SCFD2: variants seen among roughly 807,000 people sequenced by gnomAD.
SCFD2 encodes sec1 family domain containing 2.
Under a neutral mutation model 58.9 loss-of-function variants are expected in SCFD2, and 54 were observed. The ratio of observed to expected loss-of-function variants is 0.92; its 90% CI spans 0.74 to 1.15. The LOEUF (loss-of-function observed/expected upper bound fraction) is 1.15, where lower values mean the gene tolerates loss of function less well. SCFD2 is among the 50% of genes most tolerant of loss of function. The pLI, the probability that SCFD2 is intolerant of heterozygous loss-of-function variation, is 0.00. For synonymous variants in SCFD2, 321 were observed against 335.9 expected (o/e 0.96, Z 0.49); for missense variants, 805 against 836.6 (o/e 0.96, Z 0.47).
intron 4 of SCFD2, among the ~76,000 whole-genome samples, chr4:53,188,250 T>C (rs1325428445): frequency 6.6e-6 from 1 of 152,174 alleles, no homozygotes; most frequent in East Asian, 1.9e-4. Flanking sequence ...TGGTTATAGT[T>C]GTAGAAACAC....
Position 52,914,685 on chromosome 4 carries a change from A to AT in SCFD2, c.1707+6039dup, listed in dbSNP as rs1458773455. ...TCCTTTTGAGGGCCCATGAAAATAC[A>AT]TTTTTTTAAATCAGAAGAAAAAATA... On this transcript the variant is annotated intron_variant, in intron 6 of 8. Coordinates refer to ENST00000401642, the MANE Select transcript of SCFD2 (RefSeq NM_152540.4). 3.3e-5 allele frequency among the ~76,000 whole-genome samples: 5 copies of AT among 152,250 alleles called. No homozygotes were observed. In the East Asian group the frequency reaches 5.8e-4, roughly 18 times the overall value.
In SCFD2 at chr4:53,330,620, A is replaced by G. The variant is rs1335909226; in HGVS notation, c.1008-16857T>C. ...GCGCTAAACATGGAAAGGAACAACCAGTACCAGCCGCTGCAAAATCATGCC... is the reference window on the plus strand; with the variant it reads ...GCGCTAAACATGGAAAGGAACAACCGGTACCAGCCGCTGCAAAATCATGCC... On this transcript the variant is annotated intron_variant, in intron 2 of 8. Transcript: ENST00000401642. Among the ~76,000 whole-genome samples, 7 of 152,242 alleles carry G rather than the reference A, an allele frequency of 4.6e-5. No homozygotes were observed. In the East Asian group the frequency reaches 5.8e-4, roughly 13 times the overall value.
chr4:52,903,035 T>C (rs1719256628), intron 7 of SCFD2, among the ~76,000 whole-genome samples: 1 of 152,246 alleles, frequency 6.6e-6, no homozygotes, highest in Non-Finnish European at 1.5e-5. Context: ...TCTCCCTTTG[T>C]GTCACTCATC....
intron 5 of SCFD2, among the ~76,000 whole-genome samples, chr4:53,140,392 A>AATATATATAT (rs1553880149): frequency 9.2e-5 from 9 of 97,498 alleles, no homozygotes; most frequent in South Asian, 8.5e-4. Context: ...CAAAAATGCT[A>AATATATATAT]ATATATATAT....
Position 52,974,104 on chromosome 4 carries a change from G to T in SCFD2, c.1562-53234C>A, listed in dbSNP as rs566686219. Among the ~76,000 whole-genome samples, 19 of 148,824 alleles carry T rather than the reference G, an allele frequency of 1.3e-4. No homozygotes were observed. In the Middle Eastern group the frequency reaches 0.01, roughly 80 times the overall value. On this transcript the variant is annotated intron_variant, in intron 5 of 8. Transcript: ENST00000401642. ...AACTGGAAGCATTCCCTTTGAAAACGGGCACAAGACAGGGATGCCCTCTCT... is the reference window on the plus strand; with the variant it reads ...AACTGGAAGCATTCCCTTTGAAAACTGGCACAAGACAGGGATGCCCTCTCT...
chr4:52,942,891 G>A (rs539743368), intron 5 of SCFD2, among the ~76,000 whole-genome samples: 1 of 151,828 alleles, frequency 6.6e-6, no homozygotes, highest in East Asian at 1.9e-4. Flanking sequence ...ATATAGGAAA[G>A]CTTATAGATA....
chr4:53,165,665 T>C (rs1323022682), intron 4 of SCFD2, among the ~76,000 whole-genome samples: 2 of 152,228 alleles, frequency 1.3e-5, no homozygotes, highest in Admixed American at 6.5e-5. Context: ...CATCTTACTA[T>C]AGGTTTTACT....
chr4:53,032,959 C>A (rs547752961), intron 5 of SCFD2, among the ~76,000 whole-genome samples: 1 of 152,130 alleles, frequency 6.6e-6, no homozygotes, highest in Non-Finnish European at 1.5e-5. Context: ...AGTTCTGGAC[C>A]AAGCAGACCT....
intron 8 of SCFD2, among the ~76,000 whole-genome samples, chr4:52,878,647 A>C (rs887571209): frequency 2.2e-4 from 33 of 152,232 alleles, no homozygotes; most frequent in African/African-American, 7.7e-4. Context: ...GAAAAAGAAA[A>C]TAGAAGAGTT....
At chr4:53,331,019 A>G (rs1733440009) in intron 2 of SCFD2, among the ~76,000 whole-genome samples, 1 of 151,588 alleles carries the variant, frequency 6.6e-6, no homozygotes. Context: ...ATAATGGTAA[A>G]GGGATCAATT....
chr4:53,336,983 C>T (rs574412321), intron 2 of SCFD2, among the ~76,000 whole-genome samples: 1 of 152,232 alleles, frequency 6.6e-6, no homozygotes, highest in South Asian at 2.1e-4. Context: ...CAAATTCAAA[C>T]CACAATGAGA....
intron 5 of SCFD2, among the ~76,000 whole-genome samples, chr4:52,942,760 G>A (rs959959247): frequency 7.9e-5 from 12 of 152,246 alleles, no homozygotes; most frequent in African/African-American, 2.6e-4. Flanking sequence ...TAAGGTCCAG[G>A]GAGAAAGTAT....
At chr4:53,319,618 C>T (rs1485692309) in intron 2 of SCFD2, among the ~76,000 whole-genome samples, 1 of 152,042 alleles carries the variant, frequency 6.6e-6, no homozygotes, top group Non-Finnish European at 1.5e-5. Flanking sequence ...CTGCAGCCTC[C>T]ACCTTCGGGT....
intron 4 of SCFD2, among the ~76,000 whole-genome samples, chr4:53,217,495 G>C (rs1188437621): frequency 6.6e-6 from 1 of 152,032 alleles, no homozygotes; most frequent in Non-Finnish European, 1.5e-5. Flanking sequence ...CATTTGCTTG[G>C]TAGATCTTCC....
intron 4 of SCFD2, among the ~76,000 whole-genome samples, chr4:53,155,234 A>C (rs1410359930): frequency 6.6e-6 from 1 of 152,170 alleles, no homozygotes; most frequent in East Asian, 1.9e-4. Context: ...TCCAAAACTC[A>C]AGCTGAAATT....
At chr4:52,952,010 T>G (rs1171335083) in intron 5 of SCFD2, among the ~76,000 whole-genome samples, 1 of 152,122 alleles carries the variant, frequency 6.6e-6, no homozygotes, top group Non-Finnish European at 1.5e-5. Context: ...ATCAGTATCT[T>G]AAGAACGAAG....
intron 5 of SCFD2, among the ~76,000 whole-genome samples, chr4:52,943,789 G>T (rs1237718503): frequency 6.6e-6 from 1 of 152,082 alleles, no homozygotes; most frequent in Non-Finnish European, 1.5e-5. Context: ...GAGAGACCCT[G>T]AGCTCACCAT....
intron 2 of SCFD2, among the ~76,000 whole-genome samples, chr4:53,317,882 A>G (rs926391514): frequency 6.6e-6 from 1 of 152,238 alleles, no homozygotes; most frequent in Non-Finnish European, 1.5e-5. Flanking sequence ...TAAAGCACCT[A>G]GAACAAATCC....
At chr4:52,985,135 A>C (rs905282094) in intron 5 of SCFD2, among the ~76,000 whole-genome samples, 5 of 152,176 alleles carry the variant, frequency 3.3e-5, no homozygotes, top group Non-Finnish European at 7.4e-5. Context: ...TGGGGTTTTA[A>C]GGGTATTGAT....
Sources: gnomAD v4.1 joint callset for allele counts (sites outside exome capture counted in the v4.1 genomes callset) on GRCh38, gnomAD v4.1.1 for gene constraint, MANE v1.5 for transcripts, NCBI Gene and HGNC (gene_info 2026-07-23, HGNC 2026-07-21) for gene names.